The following CSMD1 variants were observed in gnomAD, a reference collection of about 807,000 sequenced individuals.
The protein encoded by CSMD1 is CUB and sushi domain-containing protein 1.
In CSMD1, 213 loss-of-function variants were observed where a neutral mutation model predicts 417.5. That is an observed-to-expected ratio of 0.51 (90% CI 0.46 to 0.57). The LOEUF (loss-of-function observed/expected upper bound fraction) is 0.57. Among genes scored for constraint, CSMD1 ranks in the 20% least tolerant of loss-of-function variants. The pLI, the probability that CSMD1 is intolerant of heterozygous loss-of-function variation, is 0.00. For synonymous variants in CSMD1, 2,862 were observed against 1,736.8 expected (o/e 1.65, Z -16.11); for missense variants, 6,923 against 4,529.7 (o/e 1.53, Z -15.17).
At chr8:3,806,006 G>C (rs1324876521) in intron 5 of CSMD1, among the ~76,000 whole-genome samples, 1 of 152,088 alleles carries the variant, frequency 6.6e-6, no homozygotes, top group Non-Finnish European at 1.5e-5. Context: ...GGCAAACTGG[G>C]GGAGACCTGG....
At chr8:3,859,021 C>A (rs1804508354) in intron 5 of CSMD1, among the ~76,000 whole-genome samples, 1 of 152,124 alleles carries the variant, frequency 6.6e-6, no homozygotes, top group African/African-American at 2.4e-5. Context: ...TGAAGTGTTC[C>A]CTAAAAGACC....
At chr8:3,695,080 G>C (rs1013923269) in intron 7 of CSMD1, among the ~76,000 whole-genome samples, 1 of 129,612 alleles carries the variant, frequency 7.7e-6, no homozygotes, top group African/African-American at 2.9e-5. Flanking sequence ...AAGAATTGGA[G>C]GCCCTGCGTG....
intron 3 of CSMD1, among the ~76,000 whole-genome samples, chr8:4,361,107 G>A (rs933006383): frequency 6.6e-6 from 1 of 152,148 alleles, no homozygotes; most frequent in Non-Finnish European, 1.5e-5. Flanking sequence ...ACACTGTGTG[G>A]ATGCTGAAAT....
intron 5 of CSMD1, among the ~76,000 whole-genome samples, chr8:3,842,265 T>G (rs1165219285): frequency 6.6e-6 from 1 of 152,092 alleles, no homozygotes; most frequent in Non-Finnish European, 1.5e-5. Flanking sequence ...CAAAACTAAT[T>G]CCCAATCTTC....
intron 5 of CSMD1, among the ~76,000 whole-genome samples, chr8:3,831,764 C>A (rs998298855): frequency 1.3e-5 from 2 of 152,096 alleles, no homozygotes; most frequent in African/African-American, 4.8e-5. Context: ...TAGCACAACA[C>A]ATAGCCATTT....
rs560493934 is a variant in CSMD1, at chr8:4,453,324, G to A, written c.303-33259C>T. Among the ~76,000 whole-genome samples, 188 of 152,138 alleles carry A rather than the reference G, an allele frequency of 1.2e-3. 2 individuals carry two copies. Among genetic ancestry groups the A allele is most frequent in the African/African-American group, 1.8e-3 (74 of 41,520 alleles). ...GCAATCAACTGTCCCCAAGAATTCA[G>A]ACTCCCACTGGGAACCAACTGCCCC... On this transcript the variant is annotated intron_variant, in intron 2 of 69. Transcript: ENST00000635120.
At chr8:4,710,752 G>C (rs1311255949) in intron 1 of CSMD1, among the ~76,000 whole-genome samples, 1 of 151,638 alleles carries the variant, frequency 6.6e-6, no homozygotes, top group Non-Finnish European at 1.5e-5. Flanking sequence ...GTCTGAGGCA[G>C]GTAAAATGCT....
At chr8:3,519,493 C>T (rs1797413717) in intron 10 of CSMD1, among the ~76,000 whole-genome samples, 1 of 152,150 alleles carries the variant, frequency 6.6e-6, no homozygotes, top group Non-Finnish European at 1.5e-5. Flanking sequence ...TACATTCAAA[C>T]TCCAGCCAGC....
intron 3 of CSMD1, among the ~76,000 whole-genome samples, chr8:4,084,912 AAAAAC>A (rs1800339914): frequency 6.6e-6 from 1 of 151,994 alleles, no homozygotes; most frequent in South Asian, 2.1e-4. Flanking sequence ...AAACAAAAAC[AAAAAC>A]AAAACTACAA....
At chr8:3,579,244 GATGCCAA>G (rs1419092921) in intron 9 of CSMD1, among the ~76,000 whole-genome samples, 68 of 152,280 alleles carry the variant, frequency 4.5e-4, no homozygotes, top group Middle Eastern at 3.4e-3. Flanking sequence ...ACCAATTTTG[GATGCCAA>G]TGCATGCCAT....
intron 4 of CSMD1, among the ~76,000 whole-genome samples, chr8:3,999,390 C>G (rs900777492): frequency 6.6e-6 from 1 of 152,178 alleles, no homozygotes; most frequent in Non-Finnish European, 1.5e-5. Context: ...AGGAAATGAC[C>G]TCCTTTTATT....
chr8:4,741,576 A>G (rs1282045553), intron 1 of CSMD1, among the ~76,000 whole-genome samples: 1 of 152,240 alleles, frequency 6.6e-6, no homozygotes, highest in Non-Finnish European at 1.5e-5. Context: ...TTTAGATCTT[A>G]ACATGTGTCT....
intron 5 of CSMD1, among the ~76,000 whole-genome samples, chr8:3,943,982 G>C (rs925480053): frequency 2.0e-5 from 3 of 152,110 alleles, no homozygotes; most frequent in Admixed American, 2.0e-4. Flanking sequence ...ATTAGGCAAT[G>C]ATATTAAATC....
chr8:2,967,859 C>T (rs545852750), intron 57 of CSMD1, among the ~76,000 whole-genome samples: 1 of 152,276 alleles, frequency 6.6e-6, no homozygotes, highest in South Asian at 2.1e-4. Context: ...CTTCTGATTA[C>T]ATAGAAATAA....
intron 5 of CSMD1, among the ~76,000 whole-genome samples, chr8:3,939,335 G>T (rs941063180): frequency 6.6e-6 from 1 of 152,018 alleles, no homozygotes; most frequent in Admixed American, 6.6e-5. Flanking sequence ...TGTAAAAATG[G>T]TCCTAATTAA....
At chr8:4,079,774 C>G (rs1382614890) in intron 3 of CSMD1, among the ~76,000 whole-genome samples, 1 of 152,030 alleles carries the variant, frequency 6.6e-6, no homozygotes, top group Non-Finnish European at 1.5e-5. Flanking sequence ...ATTAATAACC[C>G]ATGTTCTCTT....
chr8:3,004,020 A>G (rs1233437960), intron 52 of CSMD1, among the ~76,000 whole-genome samples: 1 of 152,166 alleles, frequency 6.6e-6, no homozygotes, highest in East Asian at 1.9e-4. Context: ...CTATTTGAAG[A>G]TAGTTGCTAC....
chr8:3,835,807 T>G (rs1802659465), intron 5 of CSMD1, among the ~76,000 whole-genome samples: 1 of 151,802 alleles, frequency 6.6e-6, no homozygotes, highest in Non-Finnish European at 1.5e-5. Flanking sequence ...TTCCTAAGAG[T>G]AATTTTTCAG....
At chr8:4,449,493 G>T (rs1052844424) in intron 2 of CSMD1, among the ~76,000 whole-genome samples, 1 of 152,124 alleles carries the variant, frequency 6.6e-6, no homozygotes, top group African/African-American at 2.4e-5. Context: ...AGTGTAATAT[G>T]AAGTTACTTG....
Sources: gnomAD v4.1 joint callset for allele counts (sites outside exome capture counted in the v4.1 genomes callset) on GRCh38, gnomAD v4.1.1 for gene constraint, MANE v1.5 for transcripts, NCBI Gene and HGNC (gene_info 2026-07-23, HGNC 2026-07-21) for gene names.